AFG1L: variants seen among roughly 807,000 people sequenced by gnomAD.
The protein encoded by AFG1L is AFG1-like ATPase.
In AFG1L, 53 loss-of-function variants were observed where a neutral mutation model predicts 62.2. That is an observed-to-expected ratio of 0.85 (90% CI 0.68 to 1.07). AFG1L has a LOEUF of 1.07. Among genes scored for constraint, AFG1L ranks in the 50% least tolerant of loss-of-function variants. The probability of loss-of-function intolerance (pLI) is 0.00; values close to 1 mark genes in which losing one functional copy is unlikely to be tolerated. For synonymous variants in AFG1L, 228 were observed against 210.3 expected (o/e 1.08, Z -0.73); for missense variants, 555 against 590.5 (o/e 0.94, Z 0.62).
chr6:108,326,875 G>A (rs376185126), intron 2 of AFG1L, among the ~76,000 whole-genome samples: 8 of 151,996 alleles, frequency 5.3e-5, no homozygotes, highest in African/African-American at 9.7e-5. Flanking sequence ...CAGGAGAATC[G>A]CTTGAATCCA....
intron 1 of AFG1L, among the ~76,000 whole-genome samples, chr6:108,307,912 C>T (rs1232749495): frequency 6.6e-6 from 1 of 151,896 alleles, no homozygotes; most frequent in Non-Finnish European, 1.5e-5. Context: ...TTTGCTTTTC[C>T]CTGATACATT....
intron 2 of AFG1L, among the ~76,000 whole-genome samples, chr6:108,344,417 G>T (rs1778791016): frequency 1.3e-5 from 2 of 151,974 alleles, no homozygotes; most frequent in Admixed American, 6.6e-5. Flanking sequence ...CCAGCCTACA[G>T]GATAGTTTTT....
chr6:108,508,454 G>A (rs1221523929), intron 10 of AFG1L, among the ~76,000 whole-genome samples: 1 of 152,204 alleles, frequency 6.6e-6, no homozygotes. Context: ...GGCGGAGCTT[G>A]CCTCCTCCTG....
intron 10 of AFG1L, among the ~76,000 whole-genome samples, chr6:108,506,211 TTTTG>T (rs145026949): frequency 0.018 from 2,697 of 152,200 alleles, 85 homozygotes; most frequent in African/African-American, 0.061. Flanking sequence ...CTCCCATATT[TTTTG>T]TTTGTTTGTT....
chr6:108,517,746 T>C (rs1418468431), intron 11 of AFG1L, among the ~76,000 whole-genome samples: 1 of 152,052 alleles, frequency 6.6e-6, no homozygotes, highest in African/African-American at 2.4e-5. Flanking sequence ...AATTTTGCAA[T>C]CTACTCATCT....
chr6:108,473,697 G>GCA (rs1320696414), intron 8 of AFG1L, among the ~76,000 whole-genome samples: 1 of 151,936 alleles, frequency 6.6e-6, no homozygotes, highest in African/African-American at 2.4e-5. Context: ...AGCTGGGATT[G>GCA]CAGGCGCATG....
At chr6:108,311,070 A>G (rs1390416868) in intron 1 of AFG1L, among the ~76,000 whole-genome samples, 1 of 152,152 alleles carries the variant, frequency 6.6e-6, no homozygotes, top group East Asian at 1.9e-4. Context: ...AAAACTTTTA[A>G]GTGGCTCCTG....
At chr6:108,490,785 C>T (rs546474702) in intron 10 of AFG1L, among the ~76,000 whole-genome samples, 7 of 152,236 alleles carry the variant, frequency 4.6e-5, no homozygotes, top group Admixed American at 1.3e-4. Context: ...CATTCAATTT[C>T]GTGTTCATGA....
At chr6:108,307,229 G>A (rs554304540) in intron 1 of AFG1L, among the ~76,000 whole-genome samples, 2 of 151,874 alleles carry the variant, frequency 1.3e-5, no homozygotes, top group African/African-American at 4.8e-5. Flanking sequence ...GGCCAGGCTG[G>A]TCTAGAACTC....
chr6:108,324,125 C>A, intron 2 of AFG1L, 77 bp downstream of exon 2: 3 of 1,029,464 alleles, frequency 2.9e-6, no homozygotes, highest in Non-Finnish European at 4.3e-6. Flanking sequence ...TGCAGTAGGA[C>A]ACAATCATGA....
At chr6:108,417,322 G>T (rs1427792939) in intron 7 of AFG1L, among the ~76,000 whole-genome samples, 2 of 151,308 alleles carry the variant, frequency 1.3e-5, no homozygotes, top group Non-Finnish European at 2.9e-5. Flanking sequence ...AAAAGAAAAG[G>T]GGCCCTGACC....
intron 3 of AFG1L, among the ~76,000 whole-genome samples, chr6:108,348,447 G>A (rs1182555874): frequency 1.3e-5 from 2 of 152,122 alleles, no homozygotes; most frequent in African/African-American, 2.4e-5. Context: ...TTTCTAATTT[G>A]TTTACTGCTA....
chr6:108,336,020 G>A (rs564951490), intron 2 of AFG1L, among the ~76,000 whole-genome samples: 57 of 152,226 alleles, frequency 3.7e-4, no homozygotes, highest in African/African-American at 1.0e-3. Flanking sequence ...TTAGGCTGCC[G>A]AGATTCTTTT....
Position 108,478,230 on chromosome 6 carries a change from G to A in AFG1L, c.1062+938G>A, listed in dbSNP as rs1773195718. Reference sequence around the variant, plus strand: ...AGGCGGGTGGATCATGAGGTCAGGAGATTGAGACCATCCTAGCTAACACGG... The same window carrying A: ...AGGCGGGTGGATCATGAGGTCAGGAAATTGAGACCATCCTAGCTAACACGG... On this transcript the variant is annotated intron_variant, in intron 10 of 12. Coordinates refer to ENST00000368977, the MANE Select transcript of AFG1L (RefSeq NM_145315.5). Among the ~76,000 whole-genome samples, 3 of 152,194 alleles carry A rather than the reference G, an allele frequency of 2.0e-5. No homozygotes were observed. In the South Asian group the frequency reaches 6.2e-4, roughly 31 times the overall value.
intron 8 of AFG1L, among the ~76,000 whole-genome samples, chr6:108,451,234 C>T (rs371872591): frequency 6.6e-6 from 1 of 152,146 alleles, no homozygotes; most frequent in Admixed American, 6.5e-5. Flanking sequence ...ATCCCACATA[C>T]GATCTTTAAT....
chr6:108,498,766 G>A (rs986129027), intron 10 of AFG1L, among the ~76,000 whole-genome samples: 1 of 152,130 alleles, frequency 6.6e-6, no homozygotes, highest in African/African-American at 2.4e-5. Flanking sequence ...CCTGAGATCA[G>A]GAGTTCAAGA....
intron 11 of AFG1L, among the ~76,000 whole-genome samples, chr6:108,518,489 G>A (rs1322448715): frequency 3.5e-5 from 5 of 141,692 alleles, no homozygotes; most frequent in Non-Finnish European, 6.1e-5. Context: ...TTCACACACC[G>A]GGGCTTGTTG....
At chr6:108,320,634 C>A (rs1259523024) in intron 1 of AFG1L, among the ~76,000 whole-genome samples, 2 of 152,136 alleles carry the variant, frequency 1.3e-5, no homozygotes, top group Non-Finnish European at 2.9e-5. Context: ...CTATTATCTT[C>A]TTGCTTATCA....
chr6:108,500,274 A>G (rs989404085), intron 10 of AFG1L, among the ~76,000 whole-genome samples: 8 of 151,572 alleles, frequency 5.3e-5, no homozygotes, highest in Admixed American at 2.6e-4. Flanking sequence ...TGCTGGGACT[A>G]CAGGCATGAA....
Sources: gnomAD v4.1 joint callset for allele counts (sites outside exome capture counted in the v4.1 genomes callset) on GRCh38, gnomAD v4.1.1 for gene constraint, MANE v1.5 for transcripts, NCBI Gene and HGNC (gene_info 2026-07-23, HGNC 2026-07-21) for gene names.